Variants in CATSPERE observed in about 807,000 individuals in gnomAD.
The protein encoded by CATSPERE is cation channel sperm-associated auxiliary subunit epsilon.
CATSPERE carries 93 observed loss-of-function variants against 114.1 expected under a neutral mutation model. The ratio of observed to expected loss-of-function variants is 0.81; its 90% confidence interval spans 0.69 to 0.97. The LOEUF is 0.97. Ranked by LOEUF, CATSPERE falls within the 50% of genes least tolerant of loss-of-function variation. The pLI is 0.00. For missense variants in CATSPERE, 1,058 were observed against 1,131.6 expected (o/e 0.93, Z 0.93); for synonymous variants, 341 against 384.1 (o/e 0.89, Z 1.31).
chr1:244,496,382 G>A (rs1420781347), intron 6 of CATSPERE, among the ~76,000 whole-genome samples: 1 of 152,284 alleles, frequency 6.6e-6, no homozygotes, highest in Middle Eastern at 3.4e-3. Flanking sequence ...GCTAAGGTTG[G>A]AGGCAGGACA....
intron 7 of CATSPERE, among the ~76,000 whole-genome samples, chr1:244,502,229 A>C (rs1258424238): frequency 1.3e-5 from 2 of 151,918 alleles, no homozygotes; most frequent in East Asian, 3.9e-4. Flanking sequence ...ATATAGCTAA[A>C]CCAGATTTGG....
chr1:244,587,781 C>T (rs186132166), intron 13 of CATSPERE, among the ~76,000 whole-genome samples: 15 of 152,214 alleles, frequency 9.9e-5, no homozygotes, highest in South Asian at 2.1e-4. Context: ...TACTGGTCTA[C>T]AAAAGTGAAA....
At chr1:244,561,193 C>T (rs1039395561) in intron 10 of CATSPERE, 48 bp downstream of exon 10, 4 of 1,287,372 alleles carry the variant, frequency 3.1e-6, no homozygotes, top group Non-Finnish European at 3.3e-6. Context: ...TCACTATAGA[C>T]ATCTTCCTTA....
intron 8 of CATSPERE, among the ~76,000 whole-genome samples, chr1:244,539,359 G>T (rs997076027): frequency 1.6e-5 from 2 of 124,670 alleles, no homozygotes; most frequent in Admixed American, 8.9e-5. Flanking sequence ...TTGATGTGCT[G>T]CTGGAATCGG....
intron 19 of CATSPERE, among the ~76,000 whole-genome samples, chr1:244,612,523 G>C (rs1670874992): frequency 6.6e-6 from 1 of 152,186 alleles, no homozygotes; most frequent in Non-Finnish European, 1.5e-5. Flanking sequence ...GAGAAGGAAA[G>C]GGAGAATATG....
At chr1:244,610,498 C>G (rs771184689) in intron 19 of CATSPERE, 172 bp downstream of exon 19, 8 of 697,628 alleles carry the variant, frequency 1.1e-5, no homozygotes, top group Non-Finnish European at 5.2e-6. Context: ...ATCTTAATTT[C>G]TGTGTGATCT....
intron 7 of CATSPERE, among the ~76,000 whole-genome samples, chr1:244,505,780 G>A (rs1217825143): frequency 2.0e-5 from 3 of 152,130 alleles, no homozygotes; most frequent in Non-Finnish European, 4.4e-5. Context: ...GCCGAGGTGG[G>A]TGGATCACGA....
intron 11 of CATSPERE, among the ~76,000 whole-genome samples, chr1:244,574,123 C>T (rs1664883402): frequency 6.6e-6 from 1 of 152,034 alleles, no homozygotes; most frequent in African/African-American, 2.4e-5. Flanking sequence ...ACCTGACGGG[C>T]TAATAATTTA....
intron 10 of CATSPERE, among the ~76,000 whole-genome samples, chr1:244,561,797 G>T (rs1239921902): frequency 1.3e-5 from 2 of 152,088 alleles, no homozygotes; most frequent in Non-Finnish European, 2.9e-5. Flanking sequence ...AGTGTATGAA[G>T]TATGAAGTTA....
At chr1:244,609,766 C>T (rs1039092637) in intron 18 of CATSPERE, among the ~76,000 whole-genome samples, 1 of 152,212 alleles carries the variant, frequency 6.6e-6, no homozygotes, top group Non-Finnish European at 1.5e-5. Context: ...GAAATTCTCT[C>T]GGCCAAGCAC....
intron 17 of CATSPERE, among the ~76,000 whole-genome samples, chr1:244,602,247 C>T (rs1017779772): frequency 2.6e-5 from 4 of 152,128 alleles, no homozygotes; most frequent in South Asian, 2.1e-4. Context: ...TAGAGGTCAA[C>T]GACAGAGGGA....
chr1:244,461,747 T>A (rs1242596323), intron 1 of CATSPERE, among the ~76,000 whole-genome samples: 1 of 152,168 alleles, frequency 6.6e-6, no homozygotes, highest in Non-Finnish European at 1.5e-5. Context: ...CGCAGTACCT[T>A]CATGCTGCTG....
intron 11 of CATSPERE, among the ~76,000 whole-genome samples, chr1:244,579,661 A>T: frequency 6.6e-6 from 1 of 152,250 alleles, no homozygotes; most frequent in East Asian, 1.9e-4. Context: ...CTAGTTATTC[A>T]TAAAAAATAT....
At chr1:244,639,320 C>G (rs948163444) in intron 21 of CATSPERE, among the ~76,000 whole-genome samples, 1 of 152,220 alleles carries the variant, frequency 6.6e-6, no homozygotes, top group Non-Finnish European at 1.5e-5. Context: ...TCATACCAAG[C>G]TAACTCCTGC....
At chr1:244,490,842 T>A (rs1193450363) in intron 6 of CATSPERE, among the ~76,000 whole-genome samples, 1 of 152,154 alleles carries the variant, frequency 6.6e-6, no homozygotes, top group East Asian at 1.9e-4. Flanking sequence ...TTATTTTTCA[T>A]AAAAATACGT....
In CATSPERE at chr1:244,629,503, CT is replaced by C. The variant is rs369560104; in HGVS notation, c.2649-5963del. On this transcript the variant is annotated intron_variant, in intron 20 of 21. Transcript: ENST00000366534. ...AACTCATGGGACTTGTCTCTCTTAC[CT>C]TTTTTTTTTTTTTTTTTTTTTTGGT... is the stretch of plus-strand genomic sequence containing the variant. Among the ~76,000 whole-genome samples, 323 of 82,318 alleles carry C rather than the reference CT, an allele frequency of 3.9e-3. 1 individual carries two copies. The highest frequency in any genetic ancestry group is 0.011 in the African/African-American group (232 of 20,406). 54.0% of individuals were successfully genotyped at this position (82,318 alleles called of 152,430 possible).
At chr1:244,486,956 A>G (rs567057122) in intron 5 of CATSPERE, among the ~76,000 whole-genome samples, 2 of 143,900 alleles carry the variant, frequency 1.4e-5, no homozygotes, top group South Asian at 2.3e-4. Context: ...GTGGTCCAGC[A>G]TGTGGAGTAC....
chr1:244,531,871 C>A (rs567663649), intron 8 of CATSPERE, among the ~76,000 whole-genome samples: 3 of 152,252 alleles, frequency 2.0e-5, no homozygotes, highest in Admixed American at 2.0e-4. Flanking sequence ...ATTCCCACCT[C>A]TTCTATTTTT....
intron 19 of CATSPERE, 109 bp from the exon 20 acceptor site, chr1:244,617,420 G>T: frequency 2.5e-6 from 2 of 808,558 alleles, no homozygotes; most frequent in Non-Finnish European, 1.8e-6. Flanking sequence ...AAAATAGAAG[G>T]GAATAGCCAT....
Sources: gnomAD v4.1 joint callset for allele counts (sites outside exome capture counted in the v4.1 genomes callset) on GRCh38, gnomAD v4.1.1 for gene constraint, MANE v1.5 for transcripts, NCBI Gene and HGNC (gene_info 2026-07-23, HGNC 2026-07-21) for gene names.